Variants in TOX observed in about 807,000 individuals in gnomAD.
TOX encodes the protein thymocyte selection associated high mobility group box.
In TOX, 11 loss-of-function variants were observed where a neutral mutation model predicts 53.7. The observed-to-expected ratio is 0.20, with a 90% CI of 0.13 to 0.34. The LOEUF is 0.34. Among genes scored for constraint, TOX ranks in the 10% least tolerant of loss-of-function variants. The pLI is 1.00. For synonymous variants in TOX, 225 were observed against 245.3 expected, an observed-to-expected ratio of 0.92 and a Z score of 0.77; for missense variants, 570 against 664.6, an observed-to-expected ratio of 0.86 and a Z score of 1.56.
chr8:58,909,276 G>A (rs1400435784), intron 3 of TOX, among the ~76,000 whole-genome samples: 1 of 152,206 alleles, frequency 6.6e-6, no homozygotes, highest in East Asian at 1.9e-4. Context: ...GGGTTGATAG[G>A]TGCAGCAAAC....
chr8:58,929,624 T>C (rs1465789481), intron 3 of TOX, among the ~76,000 whole-genome samples: 2 of 152,090 alleles, frequency 1.3e-5, no homozygotes, highest in African/African-American at 4.8e-5. Flanking sequence ...TCCTGAAAAA[T>C]ATTTTAGATG....
chr8:58,815,374 C>T lies in TOX; in HGVS notation c.1356G>A (p.Gln452=), dbSNP rs144669693. The T allele has an allele frequency of 1.1e-5, 18 of 1,610,790 alleles. No individual in the cohort carries two copies. In the African/African-American group the frequency reaches 1.2e-4, roughly 11 times the overall value. Residue 452 remains glutamine, a synonymous_variant, in exon 7 of 9, where the codon CAG becomes CAA. Coordinates refer to ENST00000361421, the MANE Select transcript of TOX (RefSeq NM_014729.3). The part of the protein sequence containing the change: ...QQPLGNQLPM[Q]VQSALHSPTM... ...TGGGTGAGTGTAAGGCAGACTGGACCTGCATGGGGAGCTGGTTCCCAAGGG... is the reference window on the plus strand; with the variant it reads ...TGGGTGAGTGTAAGGCAGACTGGACTTGCATGGGGAGCTGGTTCCCAAGGG...
chr8:58,808,883 G>C (rs1176072214), intron 7 of TOX, among the ~76,000 whole-genome samples: 1 of 152,174 alleles, frequency 6.6e-6, no homozygotes, highest in East Asian at 1.9e-4. Context: ...CTTGCCATTG[G>C]AAAACACGGG....
At chr8:59,080,567 T>C (rs1003402840) in intron 1 of TOX, among the ~76,000 whole-genome samples, 3 of 152,178 alleles carry the variant, frequency 2.0e-5, no homozygotes, top group East Asian at 1.9e-4. Context: ...GTTTGAATAT[T>C]TGTCCTCACC....
intron 2 of TOX, among the ~76,000 whole-genome samples, chr8:58,940,735 A>T (rs1042516953): frequency 6.6e-6 from 1 of 152,156 alleles, no homozygotes; most frequent in Non-Finnish European, 1.5e-5. Context: ...AAGTAGTGTA[A>T]GGTATTCATA....
chr8:59,081,441 C>T (rs894568437), intron 1 of TOX, among the ~76,000 whole-genome samples: 43 of 152,138 alleles, frequency 2.8e-4, no homozygotes, highest in Non-Finnish European at 8.8e-5. Context: ...GGTATGGCTT[C>T]TACACAAGAT....
At chr8:59,074,937 G>A (rs1380288072) in intron 1 of TOX, among the ~76,000 whole-genome samples, 1 of 152,188 alleles carries the variant, frequency 6.6e-6, no homozygotes, top group Admixed American at 6.5e-5. Context: ...AGGAAGAGCA[G>A]ACTACCTGCT....
intron 6 of TOX, among the ~76,000 whole-genome samples, chr8:58,816,326 T>C (rs1374783300): frequency 6.6e-6 from 1 of 152,170 alleles, no homozygotes; most frequent in East Asian, 1.9e-4. Flanking sequence ...TAAAATGAAG[T>C]TGGTGATGAA....
intron 1 of TOX, among the ~76,000 whole-genome samples, chr8:59,109,968 G>C (rs73256399): frequency 0.066 from 9,988 of 152,102 alleles, 1,102 homozygotes; most frequent in African/African-American, 0.23. Context: ...CCTGCTTTGG[G>C]ATTTTTCTTT....
chr8:59,001,941 C>CAA (rs1362840584), intron 1 of TOX, among the ~76,000 whole-genome samples: 2 of 147,362 alleles, frequency 1.4e-5, no homozygotes, highest in Non-Finnish European at 3.0e-5. Context: ...GTCAAGGAGA[C>CAA]AATGGCACAA....
At chr8:59,088,620 G>A (rs143479253) in intron 1 of TOX, among the ~76,000 whole-genome samples, 124 of 152,328 alleles carry the variant, frequency 8.1e-4, no homozygotes, top group African/African-American at 2.6e-3. Flanking sequence ...TTAGTCAGCC[G>A]TTCCCCTTAG....
intron 4 of TOX, among the ~76,000 whole-genome samples, chr8:58,838,870 T>G (rs948659532): frequency 3.3e-5 from 5 of 151,700 alleles, no homozygotes; most frequent in African/African-American, 1.2e-4. Flanking sequence ...CCTGGCTAAT[T>G]TTTTGTATTT....
intron 1 of TOX, among the ~76,000 whole-genome samples, chr8:59,045,347 T>A (rs1803663810): frequency 6.6e-6 from 1 of 152,216 alleles, no homozygotes; most frequent in Non-Finnish European, 1.5e-5. Flanking sequence ...GTTTATGTGA[T>A]GGTGGTAATA....
intron 1 of TOX, among the ~76,000 whole-genome samples, chr8:59,064,921 T>G (rs998728267): frequency 6.6e-6 from 1 of 152,170 alleles, no homozygotes; most frequent in Non-Finnish European, 1.5e-5. Flanking sequence ...AAACATATGA[T>G]TCCAGGTTTC....
At chr8:58,958,405 T>C (rs1037224276) in intron 2 of TOX, among the ~76,000 whole-genome samples, 13 of 152,260 alleles carry the variant, frequency 8.5e-5, no homozygotes, top group Admixed American at 1.3e-4. Context: ...CCATCATTTA[T>C]TGAGTTTGTG....
chr8:59,004,066 A>G (rs1295619900), intron 1 of TOX, among the ~76,000 whole-genome samples: 1 of 152,256 alleles, frequency 6.6e-6, no homozygotes, highest in African/African-American at 2.4e-5. Flanking sequence ...ATCTTCAGAC[A>G]TAAGTCAGCA....
At chr8:58,844,627 G>A (rs751034844) in intron 4 of TOX, among the ~76,000 whole-genome samples, 8 of 151,982 alleles carry the variant, frequency 5.3e-5, no homozygotes, top group Non-Finnish European at 1.0e-4. Flanking sequence ...CTACAGCAGT[G>A]GGCAGAGGCT....
At chr8:59,104,944 T>C (rs529780798) in intron 1 of TOX, among the ~76,000 whole-genome samples, 1 of 152,158 alleles carries the variant, frequency 6.6e-6, no homozygotes, top group Non-Finnish European at 1.5e-5. Context: ...TCCTCTCTTA[T>C]TAGCCATATG....
At chr8:58,908,612 C>G (rs111487611) in intron 3 of TOX, among the ~76,000 whole-genome samples, 1 of 152,170 alleles carries the variant, frequency 6.6e-6, no homozygotes, top group Non-Finnish European at 1.5e-5. Flanking sequence ...TTTATCCCTC[C>G]TCCAAAGCAA....
Sources: allele counts gnomAD v4.1 joint callset (sites outside exome capture counted in the v4.1 genomes callset), GRCh38; gene constraint gnomAD v4.1.1; transcripts MANE v1.5; gene names NCBI Gene and HGNC (gene_info 2026-07-23, HGNC 2026-07-21).